Variants in DENND1A observed in about 807,000 individuals in gnomAD.
The protein encoded by DENND1A is DENN domain containing 1A.
A neutral mutation model predicts 113.7 loss-of-function variants in DENND1A; 51 were observed. The ratio of observed to expected loss-of-function variants is 0.45; its 90% confidence interval spans 0.36 to 0.57. The LOEUF is 0.57. Ranked by LOEUF, DENND1A falls within the 20% of genes least tolerant of loss-of-function variation. The pLI is 0.00. For missense variants in DENND1A, 1,258 were observed against 1,395.9 expected (o/e 0.90, Z 1.57); for synonymous variants, 565 against 570.8 (o/e 0.99, Z 0.14).
At chr9:123,740,590 C>T (rs966398048) in intron 5 of DENND1A, among the ~76,000 whole-genome samples, 1 of 151,928 alleles carries the variant, frequency 6.6e-6, no homozygotes, top group African/African-American at 2.4e-5. Context: ...ATATGAAATT[C>T]CTTCTTAGAA....
intron 2 of DENND1A, among the ~76,000 whole-genome samples, chr9:123,808,054 C>T (rs1236863702): frequency 6.6e-6 from 1 of 152,138 alleles, no homozygotes; most frequent in Non-Finnish European, 1.5e-5. Context: ...GGTGAAACCA[C>T]GTCTCTACTA....
Position 123,539,022 on chromosome 9 carries a change from A to T in DENND1A, c.993+18548T>A, listed in dbSNP as rs539247827. On this transcript the variant is annotated intron_variant, in intron 13 of 23. Coordinates refer to ENST00000394215, the MANE Select transcript of DENND1A (RefSeq NM_001352964.2). ...ACACTGAGTAAATATTAAATGAGGGAAACTGTCTCTTTATAAAAATATTCC... is the reference window on the plus strand; with the variant it reads ...ACACTGAGTAAATATTAAATGAGGGTAACTGTCTCTTTATAAAAATATTCC... Among the ~76,000 whole-genome samples, 4 of 151,908 alleles carry T rather than the reference A, an allele frequency of 2.6e-5. No individual in the cohort carries two copies. The South Asian group carries it at 8.3e-4, about 32-fold the overall frequency.
intron 11 of DENND1A, among the ~76,000 whole-genome samples, chr9:123,589,319 G>A (rs2059347018): frequency 6.6e-6 from 1 of 151,928 alleles, no homozygotes. Context: ...GTGGAATTTA[G>A]TTTCCACTTC....
intron 7 of DENND1A, among the ~76,000 whole-genome samples, chr9:123,668,569 G>T (rs558290824): frequency 6.6e-6 from 1 of 152,156 alleles, no homozygotes; most frequent in Non-Finnish European, 1.5e-5. Flanking sequence ...CAGCTAGTAC[G>T]TGGCAGAATA....
chr9:123,397,783 C>T (rs377582031), intron 21 of DENND1A, among the ~76,000 whole-genome samples: 2 of 152,164 alleles, frequency 1.3e-5, no homozygotes, highest in Non-Finnish European at 2.9e-5. Flanking sequence ...ATCAGGCTAC[C>T]GGGTAATTTT....
intron 2 of DENND1A, among the ~76,000 whole-genome samples, chr9:123,825,522 A>G (rs1159281638): frequency 2.0e-5 from 3 of 152,214 alleles, no homozygotes; most frequent in Non-Finnish European, 4.4e-5. Flanking sequence ...GTCCAATCCT[A>G]CCACCAGGAC....
At chr9:123,703,894 C>T (rs1225256131) in intron 5 of DENND1A, among the ~76,000 whole-genome samples, 1 of 152,032 alleles carries the variant, frequency 6.6e-6, no homozygotes, top group African/African-American at 2.4e-5. Flanking sequence ...AGTGGTTATA[C>T]ATCTGTATAC....
At chr9:123,872,848 T>A (rs1439200138) in intron 2 of DENND1A, among the ~76,000 whole-genome samples, 2 of 152,194 alleles carry the variant, frequency 1.3e-5, no homozygotes, top group African/African-American at 2.4e-5. Flanking sequence ...AAATGTATAC[T>A]AAATCCTCCA....
intron 1 of DENND1A, among the ~76,000 whole-genome samples, chr9:123,914,711 T>C (rs1267154211): frequency 2.6e-5 from 4 of 151,654 alleles, no homozygotes; most frequent in East Asian, 1.9e-4. Context: ...GCGTGTCACA[T>C]AGTGAGAGTG....
intron 21 of DENND1A, chr9:123,401,676 C>A: frequency 6.7e-7 from 1 of 1,491,432 alleles, no homozygotes; most frequent in Admixed American, 2.3e-5. Flanking sequence ...ACAAACCAAC[C>A]AACCAACAAA....
intron 5 of DENND1A, among the ~76,000 whole-genome samples, chr9:123,705,554 T>C (rs774281930): frequency 1.3e-5 from 2 of 152,132 alleles, no homozygotes; most frequent in African/African-American, 2.4e-5. Context: ...ATTAAAAATA[T>C]ATGCCATTTA....
intron 11 of DENND1A, among the ~76,000 whole-genome samples, chr9:123,601,634 C>G (rs1019504716): frequency 6.6e-6 from 1 of 152,218 alleles, no homozygotes; most frequent in Non-Finnish European, 1.5e-5. Context: ...CAGGGTTTCA[C>G]TGATATAAAC....
intron 21 of DENND1A, among the ~76,000 whole-genome samples, chr9:123,393,074 G>C (rs1485181994): frequency 6.6e-6 from 1 of 152,176 alleles, no homozygotes; most frequent in African/African-American, 2.4e-5. Context: ...ATGGGCCTTT[G>C]GGCTGGTTCC....
chr9:123,761,228 A>G (rs370800558), intron 4 of DENND1A, among the ~76,000 whole-genome samples: 36 of 152,290 alleles, frequency 2.4e-4, no homozygotes, highest in African/African-American at 7.9e-4. Context: ...TCACTGACTA[A>G]ATTTAGCAAG....
chr9:123,772,461 A>G (rs910988043), intron 3 of DENND1A, among the ~76,000 whole-genome samples: 1 of 152,108 alleles, frequency 6.6e-6, no homozygotes, highest in Non-Finnish European at 1.5e-5. Flanking sequence ...CTTTCTTTGT[A>G]GAAGGTAATT....
chr9:123,624,859 T>G (rs531763595), intron 10 of DENND1A, among the ~76,000 whole-genome samples: 2 of 152,194 alleles, frequency 1.3e-5, no homozygotes, highest in African/African-American at 4.8e-5. Flanking sequence ...CTAATGTATC[T>G]CCAAGAAAAC....
chr9:123,449,681 A>C (rs2047565731), intron 18 of DENND1A, among the ~76,000 whole-genome samples: 2 of 152,226 alleles, frequency 1.3e-5, no homozygotes, highest in South Asian at 4.1e-4. Flanking sequence ...GAATGAATCA[A>C]TGGCACTTGC....
intron 8 of DENND1A, among the ~76,000 whole-genome samples, chr9:123,656,863 T>A (rs2062975259): frequency 6.6e-6 from 1 of 152,188 alleles, no homozygotes; most frequent in African/African-American, 2.4e-5. Context: ...GCTCAAAAGG[T>A]CTCGGTTTTC....
At chr9:123,885,327 C>T (rs534928835) in intron 1 of DENND1A, among the ~76,000 whole-genome samples, 1 of 152,298 alleles carries the variant, frequency 6.6e-6, no homozygotes, top group East Asian at 1.9e-4. Context: ...AAATATAATA[C>T]ATTCTTCCCC....
Sources: allele counts gnomAD v4.1 joint callset (sites outside exome capture counted in the v4.1 genomes callset), GRCh38; gene constraint gnomAD v4.1.1; transcripts MANE v1.5; gene names NCBI Gene and HGNC (gene_info 2026-07-23, HGNC 2026-07-21).